Variants in NFATC1 observed in about 807,000 individuals in gnomAD.
NFATC1 encodes the protein nuclear factor of activated T cells 1, also known as nuclear factor of activated T-cells, cytoplasmic 1.
Under a neutral mutation model 76.0 loss-of-function variants are expected in NFATC1, and 22 were observed. The ratio of observed to expected loss-of-function variants is 0.29; its 90% CI spans 0.21 to 0.41. The LOEUF is 0.41. Among genes scored for constraint, NFATC1 ranks in the 10% least tolerant of loss-of-function variants. NFATC1 has a pLI of 1.00. For missense variants in NFATC1, 1,357 were observed against 1,337.7 expected, an observed-to-expected ratio of 1.01 and a Z score of -0.23; for synonymous variants, 704 against 613.1, an observed-to-expected ratio of 1.15 and a Z score of -2.19.
Position 79,451,073 on chromosome 18 carries a change from A to G in NFATC1, c.1709A>G (p.Gln570Arg). ...VRLVFRVHVP[Q>R]PSGRTLSLQV... Reference sequence around the variant, plus strand: ...CTGGTGTTCCGCGTTCACGTCCCGCAACCCAGCGGCCGCACGCTGTCCCTG... The same window carrying G: ...CTGGTGTTCCGCGTTCACGTCCCGCGACCCAGCGGCCGCACGCTGTCCCTG... Residue 570 changes from glutamine (Q) to arginine (R), a missense_variant, in exon 5 of 10, where the codon CAA becomes CGA. This residue lies in a region of NFATC1 where 242 missense variants were observed against 329.2 expected (regional missense o/e 0.74). Transcript: ENST00000427363. 1.2e-6 allele frequency: 2 copies of G among 1,613,208 alleles called. No individual in the cohort carries two copies. The highest frequency in any genetic ancestry group is 1.1e-5 in the South Asian group (1 of 91,090).
At chr18:79,453,243 G>A (rs2087549476) in intron 6 of NFATC1, among the ~76,000 whole-genome samples, 1 of 152,236 alleles carries the variant, frequency 6.6e-6, no homozygotes, top group South Asian at 2.1e-4. Flanking sequence ...GTGGCTCCCA[G>A]CTTCTGCTTT....
intron 3 of NFATC1, among the ~76,000 whole-genome samples, chr18:79,439,147 G>A (rs983376382): frequency 6.6e-6 from 1 of 152,186 alleles, no homozygotes; most frequent in African/African-American, 2.4e-5. Flanking sequence ...ACTGTTCCAC[G>A]CAGGGCCTCA....
intron 2 of NFATC1, among the ~76,000 whole-genome samples, chr18:79,418,872 GC>G (rs996662503): frequency 1.3e-5 from 2 of 152,186 alleles, no homozygotes; most frequent in African/African-American, 4.8e-5. Context: ...GGCTGCGGAG[GC>G]CGAGGGCCTG....
rs28446281 is a variant in NFATC1, at chr18:79,524,509, C to T, written c.2783-3019C>T. 9.2e-3 allele frequency among the ~76,000 whole-genome samples: 1,404 copies of T among 152,332 alleles called. 19 individuals are homozygous for T. Among genetic ancestry groups the T allele is most frequent in the African/African-American group, 0.031 (1,269 of 41,574 alleles). On this transcript the variant is annotated intron_variant, in intron 9 of 9. Transcript: ENST00000427363. The surrounding 1 kb of genome is among the most constrained non-coding windows in gnomAD (Gnocchi z 7.2). ...TGGGCTGTGTCTGGTCCCGGCCACG[C>T]GTCCCTGCAGCGTCTGAGACCTTGT...
At chr18:79,470,060 C>T (rs758773124) in intron 8 of NFATC1, 5 of 962,170 alleles carry the variant, frequency 5.2e-6, no homozygotes, top group Non-Finnish European at 6.2e-6. Context: ...GCACTTCCTG[C>T]CTCTGCAACC....
chr18:79,431,634 G>A (rs553496008), intron 2 of NFATC1, among the ~76,000 whole-genome samples: 2 of 144,286 alleles, frequency 1.4e-5, no homozygotes, highest in African/African-American at 5.7e-5. Flanking sequence ...CAAGTGATCT[G>A]TTCCCCTTGG....
chr18:79,500,424 C>T (rs906577394), intron 9 of NFATC1, among the ~76,000 whole-genome samples: 1 of 151,830 alleles, frequency 6.6e-6, no homozygotes, highest in African/African-American at 2.4e-5. Flanking sequence ...GCTTTAAATG[C>T]CTATATGAGG....
At chr18:79,481,789 G>C (rs933222585) in intron 8 of NFATC1, among the ~76,000 whole-genome samples, 4 of 150,182 alleles carry the variant, frequency 2.7e-5, no homozygotes, top group Non-Finnish European at 5.9e-5. Flanking sequence ...ACCTGGTCCT[G>C]GGGTGTCACT....
intron 8 of NFATC1, among the ~76,000 whole-genome samples, chr18:79,476,056 G>A (rs1470212838): frequency 2.6e-5 from 4 of 152,062 alleles, no homozygotes; most frequent in Non-Finnish European, 4.4e-5. Flanking sequence ...ATGAGAGGGC[G>A]GGAAGGGGCT....
chr18:79,487,034 G>A, intron 9 of NFATC1, 97 bp downstream of exon 9: 1 of 1,350,446 alleles, frequency 7.4e-7, no homozygotes, highest in Non-Finnish European at 1.0e-6. Context: ...GGCACGTGTG[G>A]AAGTGCACCG....
intron 7 of NFATC1, among the ~76,000 whole-genome samples, chr18:79,462,785 CA>C (rs547488037): frequency 0.027 from 4,012 of 147,230 alleles, 191 homozygotes; most frequent in African/African-American, 0.096. Flanking sequence ...CCCTGCGGGT[CA>C]GGGAAGTCTT....
chr18:79,416,162 T>G (rs2085869136), intron 2 of NFATC1, among the ~76,000 whole-genome samples: 1 of 152,258 alleles, frequency 6.6e-6, no homozygotes, highest in Non-Finnish European at 1.5e-5. Context: ...TGCATAGTAT[T>G]AGTTTCAAAA....
chr18:79,412,392 C>T (rs1055682456), intron 2 of NFATC1, among the ~76,000 whole-genome samples: 1 of 151,834 alleles, frequency 6.6e-6, no homozygotes, highest in Non-Finnish European at 1.5e-5. Flanking sequence ...GCGTTTGCCA[C>T]GCGCAGCCCG....
At chr18:79,462,223 T>C (rs1308453960) in intron 7 of NFATC1, among the ~76,000 whole-genome samples, 7 of 152,212 alleles carry the variant, frequency 4.6e-5, no homozygotes, top group Non-Finnish European at 1.0e-4. Context: ...CATGTGCTCA[T>C]GTTTAAAGTG....
intron 2 of NFATC1, among the ~76,000 whole-genome samples, chr18:79,432,373 G>T (rs2144659456): frequency 1.3e-5 from 2 of 152,134 alleles, no homozygotes; most frequent in South Asian, 4.1e-4. Context: ...CCACACGGAG[G>T]TGAGGACGGT....
chr18:79,470,040 C>T (rs889501372), intron 8 of NFATC1: 5 of 981,854 alleles, frequency 5.1e-6, no homozygotes, highest in Admixed American at 6.1e-5. Flanking sequence ...TTCCGTCCCG[C>T]GTGCCCGCTG....
chr18:79,512,698 T>A (rs1274085897), intron 9 of NFATC1, among the ~76,000 whole-genome samples: 1 of 152,240 alleles, frequency 6.6e-6, no homozygotes, highest in Non-Finnish European at 1.5e-5. Flanking sequence ...GCGGCACCTG[T>A]GCCCTCTGCT....
At chr18:79,455,860 C>T (rs1041297263) in intron 6 of NFATC1, among the ~76,000 whole-genome samples, 2 of 152,198 alleles carry the variant, frequency 1.3e-5, no homozygotes, top group Admixed American at 1.3e-4. Flanking sequence ...TGGGCAGGCA[C>T]TAGCCACACT....
chr18:79,402,221 CAGG>C, intron 1 of NFATC1: 1 of 519,506 alleles, frequency 1.9e-6, no homozygotes, highest in Non-Finnish European at 2.5e-6. Context: ...GGAAGACGCA[CAGG>C]AGGCCAGTCT....
Sources: gnomAD v4.1 joint callset for allele counts (sites outside exome capture counted in the v4.1 genomes callset) on GRCh38, gnomAD v4.1.1 for gene constraint, gnomAD v4.1.1 regional missense constraint, Gnocchi (gnomAD v3.1) non-coding constraint, MANE v1.5 for transcripts, NCBI Gene and HGNC (gene_info 2026-07-23, HGNC 2026-07-21) for gene names.